CACNA1D: variants seen among roughly 807,000 people sequenced by gnomAD.
The protein encoded by CACNA1D is voltage-dependent L-type calcium channel subunit alpha-1D.
A neutral mutation model predicts 257.1 loss-of-function variants in CACNA1D; 55 were observed. That is an observed-to-expected ratio of 0.21 (90% CI 0.17 to 0.27). The LOEUF (loss-of-function observed/expected upper bound fraction) is 0.27. Among genes scored for constraint, CACNA1D ranks in the 10% least tolerant of loss-of-function variants. CACNA1D has a pLI of 1.00. For synonymous variants in CACNA1D, 980 were observed against 1,014.9 expected, an observed-to-expected ratio of 0.97 and a Z score of 0.65; for missense variants, 1,876 against 2,784.0, an observed-to-expected ratio of 0.67 and a Z score of 7.34.
chr3:53,624,636 G>C (rs1442529032), intron 3 of CACNA1D, among the ~76,000 whole-genome samples: 1 of 152,176 alleles, frequency 6.6e-6, no homozygotes, highest in African/African-American at 2.4e-5. Context: ...TGCTCCAACA[G>C]AGGCACTCTG....
chr3:53,756,717 C>T (rs1342948680), intron 29 of CACNA1D, among the ~76,000 whole-genome samples: 1 of 152,188 alleles, frequency 6.6e-6, no homozygotes, highest in Non-Finnish European at 1.5e-5. Context: ...AGTTCTCTTG[C>T]TCCAAGGAGG....
At chr3:53,790,892 GC>G (rs2095479403) in intron 40 of CACNA1D, 3 of 685,734 alleles carry the variant, frequency 4.4e-6, no homozygotes. Context: ...GCCATCAAAA[GC>G]CTCTTTTTAA....
chr3:53,703,310 C>G (rs756630874), intron 9 of CACNA1D, among the ~76,000 whole-genome samples: 1 of 152,134 alleles, frequency 6.6e-6, no homozygotes, highest in Non-Finnish European at 1.5e-5. Flanking sequence ...GGGAGGAAAC[C>G]GGCTCACCAT....
At chr3:53,767,945 C>G (rs2095343740) in intron 30 of CACNA1D, among the ~76,000 whole-genome samples, 1 of 152,214 alleles carries the variant, frequency 6.6e-6, no homozygotes, top group South Asian at 2.1e-4. Context: ...TCCTTCCTCC[C>G]TCCCTCGCAT....
chr3:53,747,559 T>C (rs973153915), intron 26 of CACNA1D, 111 bp downstream of exon 26: 1 of 1,164,048 alleles, frequency 8.6e-7, no homozygotes, highest in Non-Finnish European at 1.3e-6. Context: ...AGGATTGCCC[T>C]GTGGCTTTTT....
At chr3:53,587,590 GAGGTGCAAATTCC>G (rs1449782964) in intron 3 of CACNA1D, among the ~76,000 whole-genome samples, 1 of 152,196 alleles carries the variant, frequency 6.6e-6, no homozygotes, top group Non-Finnish European at 1.5e-5. Context: ...AAGTGGGCTG[GAGGTGCAAATTCC>G]AGATTCATTG....
intron 3 of CACNA1D, among the ~76,000 whole-genome samples, chr3:53,551,145 T>G (rs2092525032): frequency 6.6e-6 from 1 of 152,204 alleles, no homozygotes; most frequent in African/African-American, 2.4e-5. Context: ...AGAAATACAT[T>G]TAGGTTGGGC....
chr3:53,543,233 G>A (rs2107534966), intron 3 of CACNA1D, among the ~76,000 whole-genome samples: 1 of 152,010 alleles, frequency 6.6e-6, no homozygotes, highest in African/African-American at 2.4e-5. Flanking sequence ...CCACAAACCA[G>A]CCTCCCCTAA....
At chr3:53,614,063 G>A (rs1230742730) in intron 3 of CACNA1D, among the ~76,000 whole-genome samples, 1 of 150,542 alleles carries the variant, frequency 6.6e-6, no homozygotes, top group Non-Finnish European at 1.5e-5. Context: ...AGGCCAAGGT[G>A]GGAGGGTCAC....
intron 3 of CACNA1D, among the ~76,000 whole-genome samples, chr3:53,613,933 A>G (rs969868724): frequency 3.9e-5 from 6 of 152,036 alleles, no homozygotes; most frequent in Middle Eastern, 3.2e-3. Flanking sequence ...ATTATTAACC[A>G]TAGTGGAATT....
intron 3 of CACNA1D, among the ~76,000 whole-genome samples, chr3:53,627,691 C>T (rs1449708475): frequency 6.6e-6 from 1 of 152,116 alleles, no homozygotes; most frequent in South Asian, 2.1e-4. Flanking sequence ...GGGGAGATGT[C>T]TAGTTCCATC....
chr3:53,639,407 G>A (rs1339123353), intron 3 of CACNA1D, among the ~76,000 whole-genome samples: 1 of 150,026 alleles, frequency 6.7e-6, no homozygotes, highest in African/African-American at 2.5e-5. Context: ...TTTTTTTGGA[G>A]ATGGAGTCTC....
intron 40 of CACNA1D, among the ~76,000 whole-genome samples, chr3:53,787,638 G>C (rs1290546630): frequency 6.6e-6 from 1 of 152,070 alleles, no homozygotes; most frequent in East Asian, 1.9e-4. Context: ...TACCAGCCAG[G>C]GTCCTTGCAT....
intron 17 of CACNA1D, 134 bp from the exon 18 acceptor site, chr3:53,731,882 C>A: frequency 1.4e-6 from 1 of 723,514 alleles, no homozygotes; most frequent in Non-Finnish European, 2.5e-6. Flanking sequence ...ATCTGCCTGT[C>A]CCTGCACACT....
At chr3:53,605,937 C>T (rs1029591438) in intron 3 of CACNA1D, among the ~76,000 whole-genome samples, 1 of 152,184 alleles carries the variant, frequency 6.6e-6, no homozygotes, top group African/African-American at 2.4e-5. Flanking sequence ...GCCCTCTCCC[C>T]AGAGCTTCCC....
intron 3 of CACNA1D, among the ~76,000 whole-genome samples, chr3:53,526,417 G>A (rs991346360): frequency 6.6e-6 from 1 of 151,360 alleles, no homozygotes; most frequent in African/African-American, 2.4e-5. Context: ...TATGAGTACA[G>A]CATCTTGTTA....
chr3:53,519,083 C>T (rs2091454246), intron 3 of CACNA1D, among the ~76,000 whole-genome samples: 1 of 152,216 alleles, frequency 6.6e-6, no homozygotes, highest in South Asian at 2.1e-4. Context: ...TAGAAGCCTT[C>T]CTCACTCCCT....
chr3:53,563,565 T>G (rs2092779907), intron 3 of CACNA1D, among the ~76,000 whole-genome samples: 1 of 151,894 alleles, frequency 6.6e-6, no homozygotes, highest in Non-Finnish European at 1.5e-5. Flanking sequence ...GTGCTTATCT[T>G]TCTTTGATTC....
intron 20 of CACNA1D, 144 bp downstream of exon 20, chr3:53,735,647 G>A: frequency 2.4e-6 from 2 of 817,132 alleles, no homozygotes; most frequent in Non-Finnish European, 4.0e-6. Flanking sequence ...GCTGTTTCCG[G>A]TTTGTAAGTG....
Sources: gnomAD v4.1 joint callset for allele counts (sites outside exome capture counted in the v4.1 genomes callset) on GRCh38, gnomAD v4.1.1 for gene constraint, MANE v1.5 for transcripts, NCBI Gene and HGNC (gene_info 2026-07-23, HGNC 2026-07-21) for gene names.